CFL2: variants seen among roughly 807,000 people sequenced by gnomAD.
CFL2 encodes the protein cofilin 2.
Under a neutral mutation model 19.6 loss-of-function variants are expected in CFL2, and 10 were observed. The observed-to-expected ratio is 0.51, with a 90% CI of 0.31 to 0.86. The LOEUF is 0.86. Among genes scored for constraint, CFL2 ranks in the 40% least tolerant of loss-of-function variants. The pLI is 0.04. For missense variants in CFL2, 125 were observed against 192.1 expected (o/e 0.65, Z 2.06); for synonymous variants, 63 against 66.7 (o/e 0.95, Z 0.27).
Position 34,714,546 on chromosome 14 carries a change from C to T in CFL2, c.-6G>A, listed in dbSNP as rs1479446013. On this transcript the variant is annotated 5_prime_UTR_variant, in exon 1 of 4. Coordinates refer to ENST00000298159, the MANE Select transcript of CFL2 (RefSeq NM_138638.5). Reference sequence around the variant, plus strand: ...CAGCGCGCTCGTCTTACCATAGTGCCCTCGGCTGTGGCTGCGGCGGCAGCT... The same window carrying T: ...CAGCGCGCTCGTCTTACCATAGTGCTCTCGGCTGTGGCTGCGGCGGCAGCT... The T allele has an allele frequency of 1.3e-6, 2 of 1,588,924 alleles. No individual in the cohort carries two copies. Among genetic ancestry groups the T allele is most frequent in the South Asian group, 1.1e-5 (1 of 87,970 alleles).
In CFL2 at chr14:34,712,103, T is replaced by C. The variant is rs781281739; in HGVS notation, c.*762A>G. The C allele has an allele frequency of 7.5e-5, 34 of 454,406 alleles. No homozygotes were observed. The highest frequency in any genetic ancestry group is 1.2e-4 in the South Asian group (8 of 64,474). The allele number at this position is 454,406 out of a possible 1,614,324, so 28.1% of individuals were successfully genotyped here. On this transcript the variant is annotated 3_prime_UTR_variant, in exon 4 of 4. Transcript: ENST00000298159. ...CAATGTTCCATTTAAGGCTCTTTTA[T>C]ACAGAAATTGCCATCATGACTGATA...
chr14:34,714,575 G>A lies in CFL2; in HGVS notation c.-35C>T. On this transcript the variant is annotated 5_prime_UTR_variant, in exon 1 of 4. Coordinates refer to ENST00000298159, the MANE Select transcript of CFL2 (RefSeq NM_138638.5). ...GGCTGTGGCTGCGGCGGCAGCTCGG[G>A]CTTCGGCTCTGTGGCACTGGGAGGA... 2 of 1,556,786 alleles carry A rather than the reference G, an allele frequency of 1.3e-6. No individual in the cohort carries two copies. Among genetic ancestry groups the A allele is most frequent in the Non-Finnish European group, 1.7e-6 (2 of 1,148,092 alleles).
At chr14:34,713,017 TAATA>T (rs1566525072) in intron 3 of CFL2, 39 bp downstream of exon 3, 2 of 1,542,588 alleles carry the variant, frequency 1.3e-6, no homozygotes, top group Non-Finnish European at 1.8e-6. Context: ...TTATTATAAT[TAATA>T]AAGAATAATT....
rs1402632125 is a variant in CFL2 at position 34,710,460 on chromosome 14, T to G, written c.*2405A>C. 1 of 427,192 alleles carries G rather than the reference T, an allele frequency of 2.3e-6. No individual in the cohort carries two copies. Among genetic ancestry groups the G allele is most frequent in the Non-Finnish European group, 4.6e-6 (1 of 217,648 alleles). 26.5% of individuals were successfully genotyped at this position (427,192 alleles called of 1,614,324 possible). ...AACAGCTTTACATATTTTCATATAT[T>G]TTATTTTTTAAACTCTCATAACTTT... On this transcript the variant is annotated 3_prime_UTR_variant, in exon 4 of 4. Transcript: ENST00000298159.
intron 1 of CFL2, 27 bp downstream of exon 1, chr14:34,714,511 G>A (rs1403944512): frequency 5.1e-6 from 8 of 1,572,472 alleles, no homozygotes; most frequent in Non-Finnish European, 6.9e-6. Context: ...CCTCGCCGCG[G>A]CCTCCCGGCC....
chr14:34,714,227 T>C (rs1885416755), intron 1 of CFL2: 3 of 414,584 alleles, frequency 7.2e-6, no homozygotes, highest in East Asian at 7.9e-5. Context: ...TAAGTAAAAT[T>C]AGGAAGCGAA....
rs1253355399 is a variant in CFL2 at position 34,710,668 on chromosome 14, G to A, written c.*2197C>T. ...ATTTTATCTCTTTTTTTGGCTCTAC[G>A]CACAAAGATGTATTTCAAAGATGAA... On this transcript the variant is annotated 3_prime_UTR_variant, in exon 4 of 4. Coordinates refer to ENST00000298159, the MANE Select transcript of CFL2 (RefSeq NM_138638.5). 1.3e-5 allele frequency: 6 copies of A among 445,708 alleles called. No homozygotes were observed. Among genetic ancestry groups the A allele is most frequent in the Admixed American group, 9.8e-5 (4 of 40,868 alleles). The allele number at this position is 445,708 out of a possible 1,614,324, so 27.6% of individuals were successfully genotyped here.
chr14:34,712,768 G>A lies in CFL2; in HGVS notation c.*97C>T, dbSNP rs1361112674. The A allele has an allele frequency of 2.6e-6, 2 of 771,808 alleles. No individual in the cohort carries two copies. The highest frequency in any genetic ancestry group is 2.4e-6 in the Non-Finnish European group (1 of 418,080). The allele number at this position is 771,808 out of a possible 1,614,324, so 47.8% of individuals were successfully genotyped here. On this transcript the variant is annotated 3_prime_UTR_variant, in exon 4 of 4. Transcript: ENST00000298159. Reference sequence around the variant, plus strand: ...TGTTGGAAGGGCCCAGTGGAAAGGGGGAAATACAACAAAAAACCAAAACCT... The same window carrying A: ...TGTTGGAAGGGCCCAGTGGAAAGGGAGAAATACAACAAAAAACCAAAACCT...
rs767884034 is a variant in CFL2, at chr14:34,710,477, C to T, written c.*2388G>A. 6.8e-6 allele frequency: 3 copies of T among 440,118 alleles called. No homozygotes were observed. The highest frequency in any genetic ancestry group is 1.4e-5 in the Non-Finnish European group (3 of 221,626). The allele number at this position is 440,118 out of a possible 1,614,324, so 27.3% of individuals were successfully genotyped here. A position where few individuals can be genotyped will look rare whatever the true frequency, so the allele number is the denominator to read the frequency against. On this transcript the variant is annotated 3_prime_UTR_variant, in exon 4 of 4. Transcript: ENST00000298159. ...TCATATATTTTATTTTTTAAACTCTCATAACTTTGCAAGCTAGCAGTAAAA... is the reference window on the plus strand; with the variant it reads ...TCATATATTTTATTTTTTAAACTCTTATAACTTTGCAAGCTAGCAGTAAAA...
rs943039354 is a variant in CFL2, at chr14:34,711,783, T to A, written c.*1082A>T. 9 of 446,378 alleles carry A rather than the reference T, an allele frequency of 2.0e-5. No homozygotes were observed. Among genetic ancestry groups the A allele is most frequent in the Middle Eastern group, 1.4e-3 (2 of 1,422 alleles). The allele number at this position is 446,378 out of a possible 1,614,324, so 27.7% of individuals were successfully genotyped here. On this transcript the variant is annotated 3_prime_UTR_variant, in exon 4 of 4. Transcript: ENST00000298159. ...CACATAGGAAATAAATACACTAATG[T>A]TTATAAAAGTACCATTCTTTAACAA... is the stretch of plus-strand genomic sequence containing the variant.
In CFL2 at chr14:34,713,258, A is replaced by G; in HGVS notation, c.307T>C (p.Phe103Leu). The G allele has an allele frequency of 6.2e-7, 1 of 1,611,112 alleles. No individual in the cohort carries two copies. The highest frequency in any genetic ancestry group is 8.5e-7 in the Non-Finnish European group (1 of 1,178,064). Residue 103 changes from phenylalanine (F) to leucine (L), a missense_variant, in exon 2 of 4, where the codon TTC becomes CTC. Physicochemically the swap from Phe to Leu is conservative, Grantham distance 22 (BLOSUM62 0). Transcript: ENST00000298159. ...TTTTCTTTTGTTTTTACACACCAGA[A>G]TATAAATACTAGGTCTTCTTTCTTA... ...ESKKEDLVFIFWAPESAPLKS... is the reference protein window; with the variant it reads ...ESKKEDLVFILWAPESAPLKS...
intron 1 of CFL2, 123 bp from the exon 2 acceptor site, chr14:34,713,684 G>A (rs1338762468): frequency 1.9e-6 from 3 of 1,613,014 alleles, no homozygotes; most frequent in Non-Finnish European, 2.5e-6. Context: ...CATGTAAGTC[G>A]TCCAATCAGA....
intron 1 of CFL2, 65 bp downstream of exon 1, chr14:34,714,473 C>T (rs1885427074): frequency 2.0e-6 from 3 of 1,528,252 alleles, no homozygotes; most frequent in African/African-American, 1.4e-5. Flanking sequence ...CGGCCTCACT[C>T]CCGGGGCCGT....
chr14:34,711,788 A>G lies in CFL2; in HGVS notation c.*1077T>C. ...AGGAAATAAATACACTAATGTTTATAAAAGTACCATTCTTTAACAATGGTA... is the reference window on the plus strand; with the variant it reads ...AGGAAATAAATACACTAATGTTTATGAAAGTACCATTCTTTAACAATGGTA... On this transcript the variant is annotated 3_prime_UTR_variant, in exon 4 of 4. Coordinates refer to ENST00000298159, the MANE Select transcript of CFL2 (RefSeq NM_138638.5). The G allele has an allele frequency of 2.2e-6, 1 of 447,614 alleles. No individual in the cohort carries two copies. Among genetic ancestry groups the G allele is most frequent in the Non-Finnish European group, 4.4e-6 (1 of 225,094 alleles). 27.7% of individuals were successfully genotyped at this position (447,614 alleles called of 1,614,324 possible). A position where few individuals can be genotyped will look rare whatever the true frequency, so the allele number is the denominator to read the frequency against.
rs1452282680 is a variant in CFL2 at position 34,709,301 on chromosome 14, T to C, written c.*3564A>G. 1 of 152,036 alleles carries C rather than the reference T, an allele frequency of 6.6e-6. No individual in the cohort carries two copies. Among genetic ancestry groups the C allele is most frequent in the Admixed American group, 6.6e-5 (1 of 15,248 alleles). The allele number at this position is 152,036 out of a possible 1,614,324, so 9.4% of individuals were successfully genotyped here. ...ATACTATGGGTTAAAAAACTGAGAT[T>C]TAGAGATTTAATTTGCCAAATTGCA... On this transcript the variant is annotated 3_prime_UTR_variant, in exon 4 of 4. Transcript: ENST00000298159.
At chr14:34,713,755 T>C in intron 1 of CFL2, 194 bp from the exon 2 acceptor site, 1 of 1,611,986 alleles carries the variant, frequency 6.2e-7, no homozygotes, top group Non-Finnish European at 8.5e-7. Flanking sequence ...ATCCTGCCCA[T>C]TCATCCTTCT....
chr14:34,713,232 T>C (rs751907026), intron 2 of CFL2, 22 bp downstream of exon 2: 1 of 1,604,780 alleles, frequency 6.2e-7, no homozygotes, highest in Non-Finnish European at 8.5e-7. Flanking sequence ...TAAAAGTACT[T>C]TTTTCTTTTG....
Position 34,710,639 on chromosome 14 carries a change from A to G in CFL2, c.*2226T>C. On this transcript the variant is annotated 3_prime_UTR_variant, in exon 4 of 4. Transcript: ENST00000298159. The stretch of plus-strand genomic sequence containing the variant: ...AATCTCAAATAACAAGTGAACTATT[A>G]TTAATTTTATCTCTTTTTTTGGCTC... 2.3e-6 allele frequency: 1 copy of G among 438,310 alleles called. No homozygotes were observed. The highest frequency in any genetic ancestry group is 1.7e-5 in the South Asian group (1 of 59,960). The allele number at this position is 438,310 out of a possible 1,614,324, so 27.2% of individuals were successfully genotyped here.
In CFL2 at chr14:34,711,451, T is replaced by C. The variant is rs1341974184; in HGVS notation, c.*1414A>G. 1 of 435,448 alleles carries C rather than the reference T, an allele frequency of 2.3e-6. No individual in the cohort carries two copies. Among genetic ancestry groups the C allele is most frequent in the Non-Finnish European group, 4.5e-6 (1 of 220,842 alleles). The allele number at this position is 435,448 out of a possible 1,614,324, so 27.0% of individuals were successfully genotyped here. On this transcript the variant is annotated 3_prime_UTR_variant, in exon 4 of 4. Coordinates refer to ENST00000298159, the MANE Select transcript of CFL2 (RefSeq NM_138638.5). Reference sequence around the variant, plus strand: ...AGTCTGGACCATAGCCAAATCCCACTACTAATGTTTAAGACTGCTATTATC... The same window carrying C: ...AGTCTGGACCATAGCCAAATCCCACCACTAATGTTTAAGACTGCTATTATC...
Sources: gnomAD v4.1 joint callset for allele counts on GRCh38, gnomAD v4.1.1 for gene constraint, MANE v1.5 for transcripts, NCBI Gene and HGNC (gene_info 2026-07-23, HGNC 2026-07-21) for gene names.